ADARB2: variants seen among roughly 807,000 people sequenced by gnomAD.
The protein encoded by ADARB2 is inactive double-stranded RNA-specific editase B2.
ADARB2 carries 25 observed loss-of-function variants against 62.2 expected under a neutral mutation model. That is an observed-to-expected ratio of 0.40 (90% confidence interval 0.29 to 0.56). The LOEUF is 0.56. Ranked by LOEUF, ADARB2 falls within the 20% of genes least tolerant of loss-of-function variation. The probability of loss-of-function intolerance (pLI) is 0.43; values close to 1 mark genes in which losing one functional copy is unlikely to be tolerated. For synonymous variants in ADARB2, 572 were observed against 500.8 expected (o/e 1.14, Z -1.90); for missense variants, 1,071 against 1,077.4 (o/e 0.99, Z 0.08).
rs1423617460 is a variant in ADARB2, at chr10:1,177,964, G to T, written c.*5229C>A. The T allele has an allele frequency of 6.6e-6, 1 of 152,154 alleles. No individual in the cohort carries two copies. Among genetic ancestry groups the T allele is most frequent in the Non-Finnish European group, 1.5e-5 (1 of 68,030 alleles). 9.4% of individuals were successfully genotyped at this position (152,154 alleles called of 1,614,324 possible). On this transcript the variant is annotated 3_prime_UTR_variant, in exon 10 of 10. Transcript: ENST00000381312. ...CAAAAATTAGCCAATCTCATAAGCCGGTCTCAAAAAAGTAAATAGATCTCT... is the reference window on the plus strand; with the variant it reads ...CAAAAATTAGCCAATCTCATAAGCCTGTCTCAAAAAAGTAAATAGATCTCT...
intron 1 of ADARB2, among the ~76,000 whole-genome samples, chr10:1,555,669 T>A (rs1832689973): frequency 1.3e-5 from 2 of 152,272 alleles, no homozygotes; most frequent in South Asian, 4.1e-4. Flanking sequence ...GCGCGGTGGC[T>A]CATGCCTGTA....
At chr10:1,340,046 G>A (rs1027722882) in intron 3 of ADARB2, among the ~76,000 whole-genome samples, 2 of 152,030 alleles carry the variant, frequency 1.3e-5, no homozygotes, top group Non-Finnish European at 2.9e-5. Context: ...CTAGAGCCAC[G>A]TGGGTCCGGA....
At chr10:1,202,834 T>A (rs2131743755) in intron 7 of ADARB2, among the ~76,000 whole-genome samples, 1 of 152,336 alleles carries the variant, frequency 6.6e-6, no homozygotes. Context: ...AAGAGACGCC[T>A]CCGTGTTAGA....
intron 2 of ADARB2, among the ~76,000 whole-genome samples, chr10:1,366,121 C>T (rs1052329798): frequency 1.3e-5 from 2 of 152,278 alleles, no homozygotes; most frequent in East Asian, 3.9e-4. Flanking sequence ...AGATCCAGTC[C>T]AGTCTCCCCT....
chr10:1,286,990 C>A (rs1335005566), intron 3 of ADARB2, among the ~76,000 whole-genome samples: 4 of 152,186 alleles, frequency 2.6e-5, no homozygotes, highest in African/African-American at 9.6e-5. Context: ...CGTGCCTCAT[C>A]CTTCAAATTA....
At chr10:1,663,910 G>A (rs556206497) in intron 1 of ADARB2, among the ~76,000 whole-genome samples, 117 of 152,290 alleles carry the variant, frequency 7.7e-4, no homozygotes, top group Non-Finnish European at 1.1e-3. Flanking sequence ...GAGCCACCAC[G>A]CCTGGCCAGG....
chr10:1,339,020 G>A (rs1831998796), intron 3 of ADARB2, among the ~76,000 whole-genome samples: 2 of 152,222 alleles, frequency 1.3e-5, no homozygotes, highest in Non-Finnish European at 2.9e-5. Context: ...TCTCTTGAGA[G>A]GCTTTCCTTA....
At position 1,229,710 on chromosome 10, in the gene ADARB2, G is replaced by T. The variant is rs548049172; in HGVS notation, c.1513+3984C>A. ...TGTGTGTGCACATGTGCTTATGTAT[G>T]CGTGTTCATGTGTGCACTTGTGCTT... On this transcript the variant is annotated intron_variant, in intron 6 of 9. Transcript: ENST00000381312. Among the ~76,000 whole-genome samples the T allele has an allele frequency of 2.0e-3, 292 of 144,170 alleles. 3 individuals are homozygous for T. Among genetic ancestry groups the T allele is most frequent in the African/African-American group, 6.6e-3 (265 of 40,278 alleles). 94.6% of individuals were successfully genotyped at this position (144,170 alleles called of 152,430 possible).
At chr10:1,479,663 G>T (rs2813404) in intron 1 of ADARB2, among the ~76,000 whole-genome samples, 47,905 of 152,004 alleles carry the variant, frequency 0.32, 7,915 homozygotes, top group South Asian at 0.38. Context: ...AGGGGTGGCG[G>T]CTCCAACATG....
intron 1 of ADARB2, among the ~76,000 whole-genome samples, chr10:1,553,542 G>A (rs1258251736): frequency 1.3e-5 from 2 of 152,146 alleles, no homozygotes; most frequent in Non-Finnish European, 2.9e-5. Context: ...TTGCGCCGTC[G>A]AAAATGGAAA....
At chr10:1,591,389 TA>T (rs56403583) in intron 1 of ADARB2, among the ~76,000 whole-genome samples, 119,079 of 152,102 alleles carry the variant, frequency 0.78, 46,813 homozygotes, top group East Asian at 0.93. Flanking sequence ...TAAGCACTGT[TA>T]AAAGGGTTCG....
intron 7 of ADARB2, among the ~76,000 whole-genome samples, chr10:1,202,806 T>C (rs1837004619): frequency 6.6e-6 from 1 of 152,112 alleles, no homozygotes; most frequent in Non-Finnish European, 1.5e-5. Context: ...AGTTAAAAAG[T>C]AAAATTGGGA....
At chr10:1,339,784 GC>G (rs1832006279) in intron 3 of ADARB2, among the ~76,000 whole-genome samples, 1 of 152,214 alleles carries the variant, frequency 6.6e-6, no homozygotes, top group South Asian at 2.1e-4. Context: ...GCAGGTGCCA[GC>G]CCACCCGTGA....
intron 4 of ADARB2, among the ~76,000 whole-genome samples, chr10:1,250,710 A>G (rs1233518794): frequency 2.0e-5 from 3 of 152,212 alleles, no homozygotes; most frequent in Non-Finnish European, 4.4e-5. Context: ...AGTCTCATGT[A>G]TTCTGTTATA....
chr10:1,275,984 T>C (rs1831312799), intron 3 of ADARB2, among the ~76,000 whole-genome samples: 1 of 152,170 alleles, frequency 6.6e-6, no homozygotes, highest in Non-Finnish European at 1.5e-5. Flanking sequence ...CATGTGTCTT[T>C]ATAGCAGCAT....
chr10:1,454,975 A>T (rs1831080135), intron 1 of ADARB2, among the ~76,000 whole-genome samples: 1 of 152,248 alleles, frequency 6.6e-6, no homozygotes, highest in South Asian at 2.1e-4. Context: ...CGACAGAGGA[A>T]ATTCTAAATA....
chr10:1,594,547 G>A (rs755991080), intron 1 of ADARB2, among the ~76,000 whole-genome samples: 13 of 152,102 alleles, frequency 8.5e-5, no homozygotes, highest in Non-Finnish European at 1.6e-4. Flanking sequence ...ACCATCAAGC[G>A]GCCCAATCTC....
intron 1 of ADARB2, among the ~76,000 whole-genome samples, chr10:1,681,879 G>T (rs773677255): frequency 2.0e-5 from 3 of 152,160 alleles, no homozygotes; most frequent in Non-Finnish European, 4.4e-5. Flanking sequence ...AGCACACTCC[G>T]CAGAGACTCA....
At chr10:1,272,985 C>T (rs895934217) in intron 3 of ADARB2, among the ~76,000 whole-genome samples, 3 of 152,216 alleles carry the variant, frequency 2.0e-5, no homozygotes, top group Non-Finnish European at 4.4e-5. Context: ...GTGGTGGCCG[C>T]ATCACTGCAG....
Sources: allele counts gnomAD v4.1 joint callset (sites outside exome capture counted in the v4.1 genomes callset), GRCh38; gene constraint gnomAD v4.1.1; transcripts MANE v1.5; gene names NCBI Gene and HGNC (gene_info 2026-07-23, HGNC 2026-07-21).